TMEM272: variants seen among roughly 807,000 people sequenced by gnomAD.
The protein encoded by TMEM272 is transmembrane protein 272, also known as long intergenic non-protein coding RNA 282.
A neutral mutation model predicts 3.7 loss-of-function variants in TMEM272; 8 were observed. The observed-to-expected ratio is 2.17, with a 90% CI of 1.27 to 3.91. TMEM272 has a LOEUF of 3.91. Among genes scored for constraint, TMEM272 ranks in the 30% most tolerant of loss-of-function variants. TMEM272 has a pLI of 0.00. For synonymous variants in TMEM272, 63 were observed against 39.8 expected (o/e 1.58, Z -2.20); for missense variants, 166 against 91.5 (o/e 1.81, Z -3.32).
chr13:51,896,295 C>A, the TMEM272 span, among the ~76,000 whole-genome samples: 1 of 152,160 alleles, frequency 6.6e-6, no homozygotes, highest in Non-Finnish European at 1.5e-5. Flanking sequence ...AAGCCTATAA[C>A]AAGCCATATA....
At chr13:51,931,146 T>C in the TMEM272 span, among the ~76,000 whole-genome samples, 1 of 152,162 alleles carries the variant, frequency 6.6e-6, no homozygotes. Flanking sequence ...CATTCTACTA[T>C]AAAGACACAT....
At chr13:51,851,410 C>G in the TMEM272 span, among the ~76,000 whole-genome samples, 2,251 of 139,934 alleles carry the variant, frequency 0.016, 19 homozygotes, top group Middle Eastern at 0.041. Flanking sequence ...AGAAGAAGAA[C>G]AAGAAGAAGA....
intron 2 of TMEM272, among the ~76,000 whole-genome samples, chr13:51,837,864 G>A (rs916764942): frequency 1.3e-5 from 2 of 152,238 alleles, no homozygotes; most frequent in African/African-American, 4.8e-5. Context: ...GCCTGGAGAT[G>A]AGTTGCTTAA....
the TMEM272 span, among the ~76,000 whole-genome samples, chr13:51,878,000 C>T: frequency 5.3e-5 from 8 of 152,156 alleles, no homozygotes; most frequent in South Asian, 4.1e-4. Context: ...ATTGCGGTTC[C>T]GCGGGGCTGA....
At chr13:51,817,746 G>A (rs1216777951) in intron 4 of TMEM272, among the ~76,000 whole-genome samples, 2 of 151,968 alleles carry the variant, frequency 1.3e-5, no homozygotes, top group African/African-American at 2.4e-5. Context: ...CTCAGTCCTC[G>A]TACATCTTTC....
chr13:51,915,146 G>C, the TMEM272 span, among the ~76,000 whole-genome samples: 2 of 152,154 alleles, frequency 1.3e-5, no homozygotes, highest in African/African-American at 4.8e-5. Flanking sequence ...ATACACTTCT[G>C]CAATACTTTT....
At chr13:51,919,692 C>T in the TMEM272 span, among the ~76,000 whole-genome samples, 1 of 152,340 alleles carries the variant, frequency 6.6e-6, no homozygotes, top group Non-Finnish European at 1.5e-5. Context: ...CTGTCCACTT[C>T]CCTAAGCAGA....
chr13:51,831,072 G>A (rs552782036), intron 2 of TMEM272, among the ~76,000 whole-genome samples: 38 of 152,162 alleles, frequency 2.5e-4, no homozygotes, highest in Non-Finnish European at 4.6e-4. Flanking sequence ...CTCAATGGCC[G>A]CTCTAGATCT....
chr13:51,847,321 G>C (rs1008528617), upstream of TMEM272, among the ~76,000 whole-genome samples: 5 of 152,160 alleles, frequency 3.3e-5, no homozygotes, highest in African/African-American at 9.7e-5. Context: ...AACGGCATTT[G>C]ATTCTCACAG....
the TMEM272 span, among the ~76,000 whole-genome samples, chr13:51,880,093 C>T: frequency 2.0e-5 from 3 of 152,184 alleles, no homozygotes; most frequent in East Asian, 3.9e-4. Flanking sequence ...GGGTCGTCAA[C>T]GAAACTGTAG....
At chr13:51,900,737 A>C in the TMEM272 span, among the ~76,000 whole-genome samples, 2 of 152,258 alleles carry the variant, frequency 1.3e-5, no homozygotes, top group Non-Finnish European at 2.9e-5. Flanking sequence ...ATGAGTGGAC[A>C]AACAAAATGT....
chr13:51,834,684 C>T (rs2139576589), intron 2 of TMEM272, among the ~76,000 whole-genome samples: 1 of 152,268 alleles, frequency 6.6e-6, no homozygotes, highest in South Asian at 2.1e-4. Flanking sequence ...GGTCTTTCTC[C>T]TGGTGTCCCC....
chr13:51,924,105 C>G, the TMEM272 span, among the ~76,000 whole-genome samples: 8 of 152,170 alleles, frequency 5.3e-5, no homozygotes, highest in African/African-American at 1.7e-4. Flanking sequence ...TTTCAGCTAC[C>G]CTCCCACCTT....
chr13:51,924,059 T>A, the TMEM272 span, among the ~76,000 whole-genome samples: 2 of 152,152 alleles, frequency 1.3e-5, no homozygotes, highest in Non-Finnish European at 2.9e-5. Context: ...AACAACCTAC[T>A]CCTGATCAAT....
At chr13:51,901,053 C>A in the TMEM272 span, among the ~76,000 whole-genome samples, 1 of 152,108 alleles carries the variant, frequency 6.6e-6, no homozygotes, top group African/African-American at 2.4e-5. Flanking sequence ...TTGCACAATT[C>A]TATGAATATA....
chr13:51,851,433 C>A, the TMEM272 span, among the ~76,000 whole-genome samples: 3 of 124,212 alleles, frequency 2.4e-5, no homozygotes, highest in East Asian at 2.3e-4. Flanking sequence ...AAGAAGAAGA[C>A]GCCCTACATT....
the TMEM272 span, among the ~76,000 whole-genome samples, chr13:51,877,999 C>A: frequency 6.6e-5 from 10 of 152,186 alleles, no homozygotes; most frequent in Non-Finnish European, 1.3e-4. Context: ...AATTGCGGTT[C>A]CGCGGGGCTG....
the TMEM272 span, among the ~76,000 whole-genome samples, chr13:51,903,786 T>A: frequency 1.3e-5 from 2 of 152,166 alleles, no homozygotes; most frequent in South Asian, 4.1e-4. Context: ...TTAGCTTCAA[T>A]AAACCTATCA....
chr13:51,880,327 G>C, the TMEM272 span, among the ~76,000 whole-genome samples: 25 of 146,500 alleles, frequency 1.7e-4, no homozygotes, highest in East Asian at 4.6e-3. Flanking sequence ...TGTGAACAAA[G>C]AAAGACTGAG....
Sources: allele counts gnomAD v4.1 joint callset (sites outside exome capture counted in the v4.1 genomes callset), GRCh38; gene constraint gnomAD v4.1.1; transcripts MANE v1.5; gene names NCBI Gene and HGNC (gene_info 2026-07-23, HGNC 2026-07-21).